ANKRD45: variants seen among roughly 807,000 people sequenced by gnomAD.
ANKRD45 encodes ankyrin repeat domain-containing protein 45.
In ANKRD45, 21 loss-of-function variants were observed where a neutral mutation model predicts 28.1. The observed-to-expected ratio is 0.75, with a 90% confidence interval of 0.53 to 1.08. The LOEUF (loss-of-function observed/expected upper bound fraction) is 1.08, where lower values mean the gene tolerates loss of function less well. Ranked by LOEUF, ANKRD45 falls within the 50% of genes least tolerant of loss-of-function variation. The probability of loss-of-function intolerance (pLI) is 0.00; values close to 1 mark genes in which losing one functional copy is unlikely to be tolerated. For synonymous variants in ANKRD45, 86 were observed against 103.9 expected (o/e 0.83, Z 1.05); for missense variants, 261 against 308.7 (o/e 0.85, Z 1.16).
At chr1:173,710,618 C>T in the ANKRD45 span, among the ~76,000 whole-genome samples, 1 of 152,114 alleles carries the variant, frequency 6.6e-6, no homozygotes, top group Non-Finnish European at 1.5e-5. Context: ...TGGAATGCCC[C>T]TGGAAGGTCA....
At chr1:173,651,423 G>A (rs1219353982) in intron 2 of ANKRD45, among the ~76,000 whole-genome samples, 1 of 152,106 alleles carries the variant, frequency 6.6e-6, no homozygotes, top group Non-Finnish European at 1.5e-5. Context: ...TGTTATTTCT[G>A]AGGCCTCTGT....
At chr1:173,669,065 A>C (rs1457324389) in intron 1 of ANKRD45, among the ~76,000 whole-genome samples, 1 of 152,216 alleles carries the variant, frequency 6.6e-6, no homozygotes, top group Admixed American at 6.5e-5. Context: ...AGGTCATAGC[A>C]CCTACCCCAT....
chr1:173,636,849 A>T (rs1163065585), intron 3 of ANKRD45: 1 of 1,535,516 alleles, frequency 6.5e-7, no homozygotes, highest in Non-Finnish European at 8.7e-7. Flanking sequence ...GCCTCCTTAG[A>T]AAAACCTGGT....
intron 5 of ANKRD45, among the ~76,000 whole-genome samples, chr1:173,615,947 C>CA (rs1443477702): frequency 6.6e-6 from 1 of 151,836 alleles, no homozygotes. Context: ...ACTAAAAATA[C>CA]AAAAAATTAG....
At chr1:173,656,378 T>C (rs543391135) in intron 2 of ANKRD45, among the ~76,000 whole-genome samples, 107 of 152,358 alleles carry the variant, frequency 7.0e-4, no homozygotes, top group African/African-American at 2.5e-3. Context: ...GATATTGGTC[T>C]TATGTTCATA....
At chr1:173,695,018 A>G in the ANKRD45 span, among the ~76,000 whole-genome samples, 1 of 152,190 alleles carries the variant, frequency 6.6e-6, no homozygotes, top group African/African-American at 2.4e-5. Flanking sequence ...ATGAAATATT[A>G]CTGGTAAAAT....
At chr1:173,657,928 T>C (rs953773530) in intron 2 of ANKRD45, 1 of 152,178 alleles carries the variant, frequency 6.6e-6, no homozygotes, top group African/African-American at 2.4e-5. Context: ...ACTAGAATTT[T>C]AATTTTAGTT....
At chr1:173,662,933 C>T (rs767527011) in intron 1 of ANKRD45, among the ~76,000 whole-genome samples, 1 of 151,962 alleles carries the variant, frequency 6.6e-6, no homozygotes, top group Non-Finnish European at 1.5e-5. Flanking sequence ...ATGACTCAAC[C>T]ATAAGATTTG....
chr1:173,671,689 T>C (rs1670264615), upstream of ANKRD45, among the ~76,000 whole-genome samples: 1 of 145,850 alleles, frequency 6.9e-6, no homozygotes, highest in Admixed American at 6.9e-5. Flanking sequence ...GCTAACACAG[T>C]GAAACCCCGT....
intron 1 of ANKRD45, among the ~76,000 whole-genome samples, chr1:173,661,838 A>C (rs935144072): frequency 6.6e-6 from 1 of 152,186 alleles, no homozygotes; most frequent in Non-Finnish European, 1.5e-5. Context: ...ATAAAAAATA[A>C]AAAAAGTGAT....
the ANKRD45 span, among the ~76,000 whole-genome samples, chr1:173,708,073 G>C: frequency 2.0e-5 from 3 of 152,178 alleles, no homozygotes; most frequent in Non-Finnish European, 2.9e-5. Flanking sequence ...ATATCTCTTA[G>C]GGTTAACCCT....
At chr1:173,690,997 A>G in the ANKRD45 span, among the ~76,000 whole-genome samples, 1 of 152,216 alleles carries the variant, frequency 6.6e-6, no homozygotes, top group East Asian at 1.9e-4. Flanking sequence ...CTTTTCTACT[A>G]TGGAGGTTTG....
At chr1:173,675,124 G>A in the ANKRD45 span, among the ~76,000 whole-genome samples, 1 of 152,068 alleles carries the variant, frequency 6.6e-6, no homozygotes, top group East Asian at 1.9e-4. Context: ...ATATTAGTAG[G>A]CAGGTATGAA....
At chr1:173,611,662 T>G (rs1667163928) in intron 5 of ANKRD45, among the ~76,000 whole-genome samples, 2 of 149,140 alleles carry the variant, frequency 1.3e-5, no homozygotes, top group Admixed American at 1.3e-4. Flanking sequence ...GAACTAAACA[T>G]TAGTGCTAAA....
chr1:173,611,793 A>C (rs970797030), intron 5 of ANKRD45, among the ~76,000 whole-genome samples: 2 of 152,216 alleles, frequency 1.3e-5, no homozygotes, highest in Non-Finnish European at 2.9e-5. Context: ...AATTGAACTC[A>C]ATCCAAATAA....
At chr1:173,633,370 C>T (rs1668277940) in intron 3 of ANKRD45, among the ~76,000 whole-genome samples, 1 of 151,940 alleles carries the variant, frequency 6.6e-6, no homozygotes, top group Non-Finnish European at 1.5e-5. Flanking sequence ...GAAAGACATT[C>T]CATGTTCATA....
At chr1:173,628,145 C>A (rs561341124) in intron 3 of ANKRD45, among the ~76,000 whole-genome samples, 1 of 151,612 alleles carries the variant, frequency 6.6e-6, no homozygotes, top group African/African-American at 2.4e-5. Context: ...GTACTCACCA[C>A]GGACCTTGGG....
upstream of ANKRD45, among the ~76,000 whole-genome samples, chr1:173,672,297 T>C (rs1444012604): frequency 6.6e-5 from 10 of 152,224 alleles, no homozygotes; most frequent in Non-Finnish European, 1.2e-4. Context: ...GCAGTCACTA[T>C]ACAACACATT....
At chr1:173,613,137 G>A (rs570768687) in intron 5 of ANKRD45, among the ~76,000 whole-genome samples, 3 of 151,852 alleles carry the variant, frequency 2.0e-5, no homozygotes, top group Admixed American at 6.6e-5. Context: ...ATCCTGTCTA[G>A]GAAGTGAGGA....
Sources: allele counts gnomAD v4.1 joint callset (sites outside exome capture counted in the v4.1 genomes callset), GRCh38; gene constraint gnomAD v4.1.1; transcripts MANE v1.5; gene names NCBI Gene and HGNC (gene_info 2026-07-23, HGNC 2026-07-21).